Variants in DCHS2 observed in about 807,000 individuals in gnomAD.
DCHS2 encodes the protein dachsous cadherin-related 2.
A neutral mutation model predicts 182.4 loss-of-function variants in DCHS2; 142 were observed. The ratio of observed to expected loss-of-function variants is 0.78; its 90% confidence interval spans 0.68 to 0.89. The LOEUF (loss-of-function observed/expected upper bound fraction) is 0.89. Among genes scored for constraint, DCHS2 ranks in the 40% least tolerant of loss-of-function variants. The pLI, the probability that DCHS2 is intolerant of heterozygous loss-of-function variation, is 0.00. For synonymous variants in DCHS2, 1,740 were observed against 1,663.3 expected (o/e 1.05, Z -1.12); for missense variants, 4,319 against 4,198.6 (o/e 1.03, Z -0.79).
intron 14 of DCHS2, among the ~76,000 whole-genome samples, chr4:154,265,825 G>T (rs889132338): frequency 6.6e-5 from 10 of 152,040 alleles, no homozygotes; most frequent in Non-Finnish European, 1.3e-4. Context: ...TCAAAAATTC[G>T]AAAATTCTAG....
chr4:154,367,594 T>C (rs527340596), intron 2 of DCHS2, among the ~76,000 whole-genome samples: 4 of 152,312 alleles, frequency 2.6e-5, no homozygotes, highest in Admixed American at 2.6e-4. Flanking sequence ...AAAACACATG[T>C]TCCCACTTTA....
chr4:154,415,814 C>CT (rs1276946816), intron 1 of DCHS2, among the ~76,000 whole-genome samples: 2 of 152,154 alleles, frequency 1.3e-5, no homozygotes, highest in Non-Finnish European at 2.9e-5. Flanking sequence ...GCAGAACACT[C>CT]TGAGTTTTCT....
At chr4:154,379,534 G>T (rs568187150) in intron 1 of DCHS2, among the ~76,000 whole-genome samples, 1 of 152,244 alleles carries the variant, frequency 6.6e-6, no homozygotes, top group South Asian at 2.1e-4. Context: ...ACCCAGAAAT[G>T]GCTACCCAGT....
chr4:154,297,974 C>A lies in DCHS2; in HGVS notation c.6340G>T (p.Asp2114Tyr). 6.2e-7 allele frequency: 1 copy of A among 1,614,084 alleles called. No homozygotes were observed. The highest frequency in any genetic ancestry group is 8.5e-7 in the Non-Finnish European group (1 of 1,179,996). The change falls in exon 13 of 20, where the codon GAC (aspartate) becomes TAC (tyrosine). Residue 2114 changes from aspartate to tyrosine, a missense_variant. By Grantham distance (160) the Asp-to-Tyr change is radical. Transcript: ENST00000357232. ...GTTGTCCTGGCTGGAATGCCCTGGT[C>A]TGTAACTTTTAACTGCAGCCAGATA... is the stretch of plus-strand genomic sequence containing the variant. ...FPIWLQLKVTDQGIPARTTTG... is the reference protein window; with the variant it reads ...FPIWLQLKVTYQGIPARTTTG...
At chr4:154,285,453 G>T (rs1174635728) in intron 13 of DCHS2, among the ~76,000 whole-genome samples, 1 of 152,132 alleles carries the variant, frequency 6.6e-6, no homozygotes, top group Admixed American at 6.5e-5. Context: ...CCGGGCCTTG[G>T]CTCTTGGACA....
At chr4:154,331,676 C>T (rs1305649912) in intron 5 of DCHS2, 1 of 1,613,932 alleles carries the variant, frequency 6.2e-7, no homozygotes, top group Non-Finnish European at 8.5e-7. Context: ...GCAGCAGCAC[C>T]ATCTGCCCAG....
At chr4:154,430,457 TG>T (rs1303209323) in intron 1 of DCHS2, among the ~76,000 whole-genome samples, 1 of 152,120 alleles carries the variant, frequency 6.6e-6, no homozygotes, top group Non-Finnish European at 1.5e-5. Context: ...GTCAGGCATA[TG>T]GAGACCCAAG....
intron 1 of DCHS2, among the ~76,000 whole-genome samples, chr4:154,393,138 T>C (rs1382417077): frequency 2.6e-5 from 4 of 152,188 alleles, no homozygotes; most frequent in Admixed American, 2.6e-4. Context: ...CAGAAATGGA[T>C]GTTACAAGCA....
At chr4:154,329,801 G>A in intron 5 of DCHS2, 91 bp from the exon 6 acceptor site, 1 of 1,220,472 alleles carries the variant, frequency 8.2e-7, no homozygotes, top group Non-Finnish European at 1.1e-6. Context: ...CAAGTACAAA[G>A]CTTTGAGCAA....
At chr4:154,394,282 C>T (rs1731840283) in intron 1 of DCHS2, among the ~76,000 whole-genome samples, 1 of 152,176 alleles carries the variant, frequency 6.6e-6, no homozygotes. Context: ...CACTATTCTG[C>T]TCATACAGAA....
intron 3 of DCHS2, among the ~76,000 whole-genome samples, chr4:154,344,748 G>A (rs1258700692): frequency 6.6e-6 from 1 of 152,178 alleles, no homozygotes; most frequent in Non-Finnish European, 1.5e-5. Context: ...CGCAGGGCTA[G>A]CGTCCACAGT....
chr4:154,385,216 T>G (rs958066555), intron 1 of DCHS2, among the ~76,000 whole-genome samples: 4 of 151,970 alleles, frequency 2.6e-5, no homozygotes, highest in Admixed American at 2.6e-4. Flanking sequence ...GAATGATGGT[T>G]TCCAGCTTCA....
intron 1 of DCHS2, among the ~76,000 whole-genome samples, chr4:154,403,887 G>C (rs1732293647): frequency 6.6e-6 from 1 of 152,086 alleles, no homozygotes; most frequent in African/African-American, 2.4e-5. Context: ...ACTGAAACAA[G>C]TTTACATACC....
rs115331928 is a variant in DCHS2 at position 154,236,494 on chromosome 4, C to T, written c.8158G>A (p.Gly2720Arg). The T allele has an allele frequency of 3.3e-4, 525 of 1,613,928 alleles. No homozygotes were observed. In the African/African-American group the frequency reaches 6.1e-3, roughly 19 times the overall value. ...KGHFYLEENTGVLYLIKPLDY... is the reference protein window; with the variant it reads ...KGHFYLEENTRVLYLIKPLDY... ...AGAGGTTTAATCAAATAAAGAACTC[C>T]AGTGTTTTCTTCTAAGTAAAAATGT... is the stretch of plus-strand genomic sequence containing the variant. The change falls in exon 20 of 20, where the codon GGA (glycine) becomes AGA (arginine). Residue 2720 changes from glycine (G) to arginine (R), a missense_variant. Gly to Arg is a moderately radical substitution (Grantham distance 125). Coordinates refer to ENST00000357232, the MANE Select transcript of DCHS2 (RefSeq NM_001358235.2).
At chr4:154,391,393 C>T (rs1731696930) in intron 1 of DCHS2, 3 of 1,437,892 alleles carry the variant, frequency 2.1e-6, no homozygotes, top group African/African-American at 1.4e-5. Flanking sequence ...GAAATACCTC[C>T]ATGACTTTCC....
intron 1 of DCHS2, among the ~76,000 whole-genome samples, chr4:154,423,118 C>T (rs1733178908): frequency 6.6e-6 from 1 of 152,188 alleles, no homozygotes. Flanking sequence ...CTGTACACTT[C>T]AATGGTATTT....
At chr4:154,373,946 T>C in intron 2 of DCHS2, 1 of 1,604,668 alleles carries the variant, frequency 6.2e-7, no homozygotes. Flanking sequence ...TGTGTCATTC[T>C]CTGCTCATCC....
chr4:154,410,574 C>CAAAA (rs1160670540), intron 1 of DCHS2, among the ~76,000 whole-genome samples: 6 of 35,386 alleles, frequency 1.7e-4, no homozygotes, highest in African/African-American at 3.0e-4. Flanking sequence ...GACTCCATCT[C>CAAAA]AAAAAAAAAA....
rs776338076 is a variant in DCHS2 at position 154,297,877 on chromosome 4, C to T, written c.6437G>A (p.Gly2146Glu). ...KISFSHHLYKGLVTENCEAGT... is the reference protein window; with the variant it reads ...KISFSHHLYKELVTENCEAGT... ...TGCCTCACAATTTTCAGTCACGAGC[C>T]CTTTATACAGGTGGTGGCTGAAGGA... The change falls in exon 13 of 20, where the codon GGG becomes GAG. Residue 2146 changes from glycine (G) to glutamate (E), a missense_variant. By Grantham distance (98) the Gly-to-Glu change is moderately conservative. Coordinates refer to ENST00000357232, the MANE Select transcript of DCHS2 (RefSeq NM_001358235.2). 7 of 1,613,352 alleles carry T rather than the reference C, an allele frequency of 4.3e-6. No homozygotes were observed. The highest frequency in any genetic ancestry group is 1.7e-4 in the Middle Eastern group (1 of 6,048).
Sources: gnomAD v4.1 joint callset for allele counts (sites outside exome capture counted in the v4.1 genomes callset) on GRCh38, gnomAD v4.1.1 for gene constraint, MANE v1.5 for transcripts, NCBI Gene and HGNC (gene_info 2026-07-23, HGNC 2026-07-21) for gene names.